The following MICU3 variants were observed in gnomAD, a reference collection of about 807,000 sequenced individuals.
MICU3 encodes calcium uptake protein 3, mitochondrial.
In MICU3, 62 loss-of-function variants were observed where a neutral mutation model predicts 66.5. That is an observed-to-expected ratio of 0.93 (90% CI 0.76 to 1.15). The LOEUF (loss-of-function observed/expected upper bound fraction) is 1.15, where lower values mean the gene tolerates loss of function less well. Ranked by LOEUF, MICU3 falls within the 50% of genes most tolerant of loss-of-function variation. The pLI, the probability that MICU3 is intolerant of heterozygous loss-of-function variation, is 0.00. For missense variants in MICU3, 779 were observed against 664.4 expected (o/e 1.17, Z -1.90); for synonymous variants, 308 against 240.7 (o/e 1.28, Z -2.59).
Position 17,027,383 on chromosome 8 carries a change from C to T in MICU3, c.104C>T (p.Thr35Ile), listed in dbSNP as rs769814462. The T allele has an allele frequency of 2.1e-6, 3 of 1,462,104 alleles. No individual in the cohort carries two copies. Among genetic ancestry groups the T allele is most frequent in the Non-Finnish European group, 2.7e-6 (3 of 1,116,344 alleles). 90.6% of individuals were successfully genotyped at this position (1,462,104 alleles called of 1,614,324 possible). A position where few individuals can be genotyped will look rare whatever the true frequency, so the allele number is the denominator to read the frequency against. Residue 35 changes from threonine (T) to isoleucine (I), a missense_variant, in exon 1 of 15, where the codon ACC becomes ATC. Thr to Ile is a moderately conservative substitution (Grantham distance 89, BLOSUM62 -1). Coordinates refer to ENST00000318063, the MANE Select transcript of MICU3 (RefSeq NM_181723.3). ...CCGTGGGGGCGGCCTGCGGTGACCACCCTGGGCCTTCCTGGCCGGCCCTTC... is the reference window on the plus strand; with the variant it reads ...CCGTGGGGGCGGCCTGCGGTGACCATCCTGGGCCTTCCTGGCCGGCCCTTC... ...LGPWGRPAVT[T>I]LGLPGRPFSS...
At chr8:17,037,127 G>C (rs2150506612) in intron 1 of MICU3, among the ~76,000 whole-genome samples, 1 of 152,322 alleles carries the variant, frequency 6.6e-6, no homozygotes, top group South Asian at 2.1e-4. Flanking sequence ...GGCCTGCCAA[G>C]CCCACGCCCA....
intron 3 of MICU3, among the ~76,000 whole-genome samples, chr8:17,070,640 T>C (rs899156867): frequency 1.5e-5 from 1 of 65,430 alleles, no homozygotes; most frequent in Non-Finnish European, 6.4e-5. Context: ...ATAGATATGT[T>C]TTTTTTTTTT....
chr8:17,053,134 ATTC>A (rs1417227236), intron 1 of MICU3, among the ~76,000 whole-genome samples: 2 of 152,116 alleles, frequency 1.3e-5, no homozygotes, highest in South Asian at 2.1e-4. Context: ...AATGATTTTA[ATTC>A]TTCTTTCATT....
At chr8:17,110,935 T>C (rs1055685974) in intron 11 of MICU3, among the ~76,000 whole-genome samples, 2 of 152,198 alleles carry the variant, frequency 1.3e-5, no homozygotes, top group Non-Finnish European at 2.9e-5. Context: ...CATTCTTTGC[T>C]ATGGCTGAAT....
At chr8:17,031,882 T>G (rs1214969580) in intron 1 of MICU3, among the ~76,000 whole-genome samples, 3 of 152,212 alleles carry the variant, frequency 2.0e-5, no homozygotes, top group Non-Finnish European at 4.4e-5. Flanking sequence ...TGTTGAAATA[T>G]CTCTCTCTAC....
chr8:17,027,647 CT>C lies in MICU3; in HGVS notation c.369del (p.Ala124ProfsTer15). 1 of 1,302,060 alleles carries C rather than the reference CT, an allele frequency of 7.7e-7. No homozygotes were observed. Among genetic ancestry groups the C allele is most frequent in the African/African-American group, 1.5e-5 (1 of 64,978 alleles). The allele number at this position is 1,302,060 out of a possible 1,614,324, so 80.7% of individuals were successfully genotyped here. On this transcript the variant is annotated frameshift_variant, in exon 1 of 15. Transcript: ENST00000318063. LOFTEE classifies it high-confidence loss of function. ...GRGMLPIPVA[A>X]AKETVAIGRT... ...GGGATGCTGCCCATCCCAGTGGCGGCTGCCAAGGAGACGGTGAGTGCGCGAG... is the reference window on the plus strand; with the variant it reads ...GGGATGCTGCCCATCCCAGTGGCGGCGCCAAGGAGACGGTGAGTGCGCGAG...
intron 10 of MICU3, 109 bp from the exon 11 acceptor site, chr8:17,105,304 A>G: frequency 1.6e-6 from 1 of 627,730 alleles, no homozygotes; most frequent in Non-Finnish European, 2.7e-6. Context: ...TTGCATCATC[A>G]TACAATTATT....
chr8:17,027,367 C>A lies in MICU3; in HGVS notation c.88C>A (p.Arg30=). Residue 30 remains arginine, a synonymous_variant, in exon 1 of 15, where the codon CGG becomes AGG. Transcript: ENST00000318063. ...CCAGCCCCTCCTTGGGCCGTGGGGGCGGCCTGCGGTGACCACCCTGGGCCT... is the reference window on the plus strand; with the variant it reads ...CCAGCCCCTCCTTGGGCCGTGGGGGAGGCCTGCGGTGACCACCCTGGGCCT... The part of the protein sequence containing the change: ...AHQPLLGPWG[R]PAVTTLGLPG... 1 of 1,494,280 alleles carries A rather than the reference C, an allele frequency of 6.7e-7. No individual in the cohort carries two copies. Among genetic ancestry groups the A allele is most frequent in the Non-Finnish European group, 8.8e-7 (1 of 1,131,336 alleles). The allele number at this position is 1,494,280 out of a possible 1,614,324, so 92.6% of individuals were successfully genotyped here.
intron 1 of MICU3, among the ~76,000 whole-genome samples, chr8:17,033,257 T>A (rs1439032003): frequency 6.6e-6 from 1 of 152,214 alleles, no homozygotes. Context: ...TTAGCGAAGT[T>A]GTGAATGCAG....
intron 1 of MICU3, among the ~76,000 whole-genome samples, chr8:17,046,849 A>G (rs1396369942): frequency 6.6e-6 from 1 of 152,096 alleles, no homozygotes; most frequent in African/African-American, 2.4e-5. Flanking sequence ...ATGTATACAC[A>G]TGGCTCCATA....
At chr8:17,119,629 A>T (rs1585586957) in intron 14 of MICU3, among the ~76,000 whole-genome samples, 2 of 152,120 alleles carry the variant, frequency 1.3e-5, no homozygotes, top group South Asian at 4.1e-4. Flanking sequence ...TAAAAAAAAA[A>T]GTTGCTTAGT....
chr8:17,049,261 A>G (rs1219165287), intron 1 of MICU3, among the ~76,000 whole-genome samples: 1 of 152,190 alleles, frequency 6.6e-6, no homozygotes, highest in East Asian at 1.9e-4. Flanking sequence ...AGTGAAACCC[A>G]CAAGAAAAAG....
intron 1 of MICU3, among the ~76,000 whole-genome samples, chr8:17,050,901 T>G (rs1441416050): frequency 1.3e-5 from 2 of 152,164 alleles, no homozygotes; most frequent in East Asian, 1.9e-4. Flanking sequence ...AGAACATGTT[T>G]GCATTTATTT....
chr8:17,131,271 C>T, the MICU3 span: 2 of 152,220 alleles, frequency 1.3e-5, no homozygotes, highest in Admixed American at 6.5e-5. Flanking sequence ...TTTCCCCCTA[C>T]TAGGGCTGAA....
intron 4 of MICU3, among the ~76,000 whole-genome samples, chr8:17,078,316 G>A (rs1294666790): frequency 1.3e-5 from 2 of 151,900 alleles, no homozygotes; most frequent in Non-Finnish European, 2.9e-5. Flanking sequence ...TCCTTTGACA[G>A]CCTAATTTGG....
chr8:17,067,449 A>G (rs1301816489), intron 2 of MICU3, among the ~76,000 whole-genome samples: 1 of 151,130 alleles, frequency 6.6e-6, no homozygotes, highest in African/African-American at 2.4e-5. Context: ...TTTTTTCCCC[A>G]AGAGGAGACT....
At chr8:17,029,032 A>G (rs754066110) in intron 1 of MICU3, among the ~76,000 whole-genome samples, 18 of 152,204 alleles carry the variant, frequency 1.2e-4, no homozygotes, top group Admixed American at 5.2e-4. Flanking sequence ...ACGACTTGCT[A>G]CTTGTGTCAT....
chr8:17,043,161 G>C (rs1048910033), intron 1 of MICU3, among the ~76,000 whole-genome samples: 2 of 151,510 alleles, frequency 1.3e-5, no homozygotes, highest in African/African-American at 4.9e-5. Flanking sequence ...GGATGGTCTC[G>C]ATCTCCTGAC....
chr8:17,060,331 C>A (rs1460706652), intron 1 of MICU3, among the ~76,000 whole-genome samples: 3 of 150,540 alleles, frequency 2.0e-5, no homozygotes, highest in Admixed American at 6.6e-5. Flanking sequence ...GAGTCTCGTG[C>A]TGTCGATTAG....
Sources: gnomAD v4.1 joint callset for allele counts (sites outside exome capture counted in the v4.1 genomes callset) on GRCh38, gnomAD v4.1.1 for gene constraint, MANE v1.5 for transcripts, NCBI Gene and HGNC (gene_info 2026-07-23, HGNC 2026-07-21) for gene names.